The following RNF34 variants were observed in gnomAD, a reference collection of about 807,000 sequenced individuals.
RNF34 encodes ring finger protein 34, also known as E3 ubiquitin-protein ligase RNF34.
RNF34 carries 12 observed loss-of-function variants against 37.9 expected under a neutral mutation model. That is an observed-to-expected ratio of 0.32 (90% CI 0.20 to 0.51). RNF34 has a LOEUF of 0.51. Among genes scored for constraint, RNF34 ranks in the 20% least tolerant of loss-of-function variants. The pLI is 0.97. For missense variants in RNF34, 362 were observed against 472.7 expected (o/e 0.77, Z 2.17); for synonymous variants, 155 against 177.2 (o/e 0.87, Z 1.00).
intron 1 of RNF34, among the ~76,000 whole-genome samples, chr12:121,407,132 C>T (rs1445471436): frequency 1.3e-5 from 2 of 152,096 alleles, no homozygotes; most frequent in South Asian, 2.1e-4. Context: ...GGTTATACTT[C>T]TTACATACCA....
chr12:121,413,575 C>CTT lies in RNF34; in HGVS notation c.7-2565_7-2564dup, dbSNP rs35917782. Among the ~76,000 whole-genome samples, 91 of 108,734 alleles carry CTT rather than the reference C, an allele frequency of 8.4e-4. 5 individuals carry two copies. Among genetic ancestry groups the CTT allele is most frequent in the African/African-American group, 3.1e-3 (72 of 23,320 alleles). The allele number at this position is 108,734 out of a possible 152,430, so 71.3% of individuals were successfully genotyped here. A position where few individuals can be genotyped will look rare whatever the true frequency, so the allele number is the denominator to read the frequency against. ...TACAGAAGCCTGCCACCATGCCCAG[C>CTT]TTTTTTTTTTTTTTTTTTTTGAGAT... is the stretch of plus-strand genomic sequence containing the variant. On this transcript the variant is annotated intron_variant, in intron 1 of 5. Transcript: ENST00000361234.
rs1872003938 is a variant in RNF34, at chr12:121,420,274, AGATGATGATGACGACGATGATGAGGAT to A, written c.678_704del (p.Asp226_Asp234del). On this transcript the variant is annotated inframe_deletion, in exon 4 of 6. Transcript: ENST00000361234. ...GTGAAATCACTTCAGCAAACACAGA[AGATGATGATGACGACGATGATGAGGAT>A]GATGATGATGAAGAAGAAAACGCAG... is the stretch of plus-strand genomic sequence containing the variant. The A allele has an allele frequency of 6.2e-7, 1 of 1,604,368 alleles. No homozygotes were observed. Among genetic ancestry groups the A allele is most frequent in the Non-Finnish European group, 8.5e-7 (1 of 1,173,894 alleles).
chr12:121,403,774 G>A (rs1870231645), intron 1 of RNF34, among the ~76,000 whole-genome samples: 4 of 152,100 alleles, frequency 2.6e-5, no homozygotes, highest in Admixed American at 2.6e-4. Flanking sequence ...AAATAACTGT[G>A]TAAATAATAT....
At chr12:121,409,354 A>G (rs1396501581) in intron 1 of RNF34, 1 of 152,214 alleles carries the variant, frequency 6.6e-6, no homozygotes, top group Non-Finnish European at 1.5e-5. Context: ...ATCCCACAAC[A>G]GAAAAACATG....
At chr12:121,412,459 G>T (rs1323934084) in intron 1 of RNF34, among the ~76,000 whole-genome samples, 1 of 151,702 alleles carries the variant, frequency 6.6e-6, no homozygotes, top group Non-Finnish European at 1.5e-5. Flanking sequence ...CAGCCAGGAT[G>T]GTCTTGATCT....
At chr12:121,414,703 C>T (rs999996991) in intron 1 of RNF34, among the ~76,000 whole-genome samples, 1 of 152,030 alleles carries the variant, frequency 6.6e-6, no homozygotes, top group Non-Finnish European at 1.5e-5. Flanking sequence ...GATGGACTCT[C>T]GCTCTGTCGC....
Position 121,423,443 on chromosome 12 carries a change from T to G in RNF34, c.986T>G (p.Met329Arg). Residue 329 changes from methionine (M) to arginine (R), a missense_variant, in exon 6 of 6, where the codon ATG becomes AGG. Met to Arg is a moderately conservative substitution (Grantham distance 91). Coordinates refer to ENST00000361234, the MANE Select transcript of RNF34 (RefSeq NM_025126.4). This position sits in a 1 kb window ranked among gnomAD's most constrained non-coding sequence, Gnocchi z 4.3. ...GACGACAGCCTGTGTCGCATCTGCA[T>G]GGATGCCGTCATCGACTGTGTCCTA... ...EEDDSLCRIC[M>R]DAVIDCVLLE... is the part of the protein sequence containing the mutation. 6.2e-7 allele frequency: 1 copy of G among 1,613,384 alleles called. No homozygotes were observed. Among genetic ancestry groups the G allele is most frequent in the South Asian group, 1.1e-5 (1 of 90,894 alleles).
intron 1 of RNF34, among the ~76,000 whole-genome samples, chr12:121,415,081 AG>A (rs1871433651): frequency 7.6e-6 from 1 of 131,172 alleles, no homozygotes; most frequent in African/African-American, 2.5e-5. Flanking sequence ...GGGCAACAAG[AG>A]TGAAGTTCCA....
chr12:121,411,647 T>G (rs961750839), intron 1 of RNF34, among the ~76,000 whole-genome samples: 1 of 152,210 alleles, frequency 6.6e-6, no homozygotes, highest in African/African-American at 2.4e-5. Context: ...GCATGTAAAA[T>G]TTTATAATGT....
chr12:121,416,421 AT>A, intron 2 of RNF34, 44 bp downstream of exon 2: 1 of 1,276,786 alleles, frequency 7.8e-7, no homozygotes, highest in South Asian at 1.2e-5. Context: ...ATGGGTCAGC[AT>A]TCTTGATTGT....
chr12:121,406,441 C>T (rs1870541539), intron 1 of RNF34, among the ~76,000 whole-genome samples: 1 of 151,816 alleles, frequency 6.6e-6, no homozygotes, highest in South Asian at 2.1e-4. Context: ...CACTTGCCAC[C>T]ACGCCTGACT....
rs973801117 is a variant in RNF34, at chr12:121,423,665, G to A, written c.*89G>A. The A allele has an allele frequency of 2.8e-5, 31 of 1,109,624 alleles. No homozygotes were observed. The highest frequency in any genetic ancestry group is 4.0e-5 in the Non-Finnish European group (31 of 770,918). The allele number at this position is 1,109,624 out of a possible 1,614,324, so 68.7% of individuals were successfully genotyped here. ...AGGGACTGGAAAGTTATGTTCAAAGGCTGAAGCTATTTTAAAACATTATTT... is the reference window on the plus strand; with the variant it reads ...AGGGACTGGAAAGTTATGTTCAAAGACTGAAGCTATTTTAAAACATTATTT... On this transcript the variant is annotated 3_prime_UTR_variant, in exon 6 of 6. Coordinates refer to ENST00000361234, the MANE Select transcript of RNF34 (RefSeq NM_025126.4). The surrounding 1 kb of genome is among the most constrained non-coding windows in gnomAD (Gnocchi z 4.3).
chr12:121,420,387 G>A (rs1872021228), intron 4 of RNF34, 53 bp downstream of exon 4: 2 of 1,554,036 alleles, frequency 1.3e-6, no homozygotes, highest in Admixed American at 2.0e-5. Context: ...TGACAGGAAG[G>A]GACAGTGCCC....
At chr12:121,420,506 C>G (rs1872033016) in intron 4 of RNF34, 71 bp from the exon 5 acceptor site, 3 of 1,576,814 alleles carry the variant, frequency 1.9e-6, no homozygotes, top group East Asian at 4.5e-5. Context: ...TATTCAGGGC[C>G]AGTGATGAGT....
chr12:121,417,484 A>G lies in RNF34; in HGVS notation c.226-20A>G, dbSNP rs1871682079. The G allele has an allele frequency of 1.3e-6, 2 of 1,596,896 alleles. No individual in the cohort carries two copies. Among genetic ancestry groups the G allele is most frequent in the African/African-American group, 2.7e-5 (2 of 74,238 alleles). The stretch of plus-strand genomic sequence containing the variant: ...TAATGGTTTATATCTTGCTGTCATC[A>G]AATGCTTTTCTTTCTTCAGCATGTT... On this transcript the variant is annotated intron_variant, in intron 2 of 5. Transcript: ENST00000361234. This position sits in a 1 kb window ranked among gnomAD's most constrained non-coding sequence, Gnocchi z 5.0.
intron 1 of RNF34, among the ~76,000 whole-genome samples, chr12:121,404,698 A>G (rs1870353053): frequency 1.3e-5 from 2 of 152,008 alleles, no homozygotes; most frequent in Non-Finnish European, 2.9e-5. Context: ...TTTAATCTTC[A>G]TGGAAACTAC....
intron 1 of RNF34, among the ~76,000 whole-genome samples, chr12:121,412,340 C>T (rs552647261): frequency 1.9e-4 from 28 of 148,880 alleles, no homozygotes; most frequent in African/African-American, 6.9e-4. Context: ...CCCGGGTTCA[C>T]GCCATTCTCC....
In RNF34 at chr12:121,416,369, A is replaced by G. The variant is rs1555282200; in HGVS notation, c.217A>G (p.Arg73Gly). 6.2e-7 allele frequency: 1 copy of G among 1,608,842 alleles called. No homozygotes were observed. The highest frequency in any genetic ancestry group is 8.5e-7 in the Non-Finnish European group (1 of 1,175,154). Reference sequence around the variant, plus strand: ...CTGTGGGCTTTCATTTTCAGTCTTTAGAAAGAAGGTGAGTTGGATGAAATG... The same window carrying G: ...CTGTGGGCTTTCATTTTCAGTCTTTGGAAAGAAGGTGAGTTGGATGAAATG... ...KACGLSFSVFRKKHVCCDCKK... is the reference protein window; with the variant it reads ...KACGLSFSVFGKKHVCCDCKK... Residue 73 changes from arginine (R) to glycine (G), a missense_variant, in exon 2 of 6, where the codon AGA becomes GGA. Physicochemically the swap from Arg to Gly is moderately radical, Grantham distance 125. Transcript: ENST00000361234.
chr12:121,417,935 C>T lies in RNF34; in HGVS notation c.633+24C>T, dbSNP rs1031186512. ...AGGTACGAGGGGGTAACTAATTACA[C>T]CCAGGGCCCGGCACGCTTATTCTTG... On this transcript the variant is annotated intron_variant, in intron 3 of 5. Transcript: ENST00000361234. This position sits in a 1 kb window ranked among gnomAD's most constrained non-coding sequence, Gnocchi z 5.0. 7 of 1,605,106 alleles carry T rather than the reference C, an allele frequency of 4.4e-6. No individual in the cohort carries two copies. Among genetic ancestry groups the T allele is most frequent in the Non-Finnish European group, 6.0e-6 (7 of 1,175,894 alleles).
Sources: gnomAD v4.1 joint callset for allele counts (sites outside exome capture counted in the v4.1 genomes callset) on GRCh38, gnomAD v4.1.1 for gene constraint, Gnocchi (gnomAD v3.1) non-coding constraint, MANE v1.5 for transcripts, NCBI Gene and HGNC (gene_info 2026-07-23, HGNC 2026-07-21) for gene names.